CDH4: variants seen among roughly 807,000 people sequenced by gnomAD.
The protein encoded by CDH4 is cadherin 4.
In CDH4, 33 loss-of-function variants were observed where a neutral mutation model predicts 86.0. The ratio of observed to expected loss-of-function variants is 0.38; its 90% CI spans 0.29 to 0.51. CDH4 has a LOEUF of 0.51. CDH4 is among the 20% of genes least tolerant of loss of function. The probability of loss-of-function intolerance (pLI) is 0.86; values close to 1 mark genes in which losing one functional copy is unlikely to be tolerated. For synonymous variants in CDH4, 555 were observed against 549.4 expected (o/e 1.01, Z -0.14); for missense variants, 1,114 against 1,307.4 (o/e 0.85, Z 2.28).
At chr20:61,686,777 G>C (rs1164656430) in intron 2 of CDH4, among the ~76,000 whole-genome samples, 4 of 152,046 alleles carry the variant, frequency 2.6e-5, no homozygotes, top group Non-Finnish European at 5.9e-5. Flanking sequence ...ATTCGCGCGT[G>C]TGTGTGTGCA....
chr20:61,936,819 C>T lies in CDH4; in HGVS notation c.2627C>T (p.Thr876Ile), dbSNP rs2055196790. 1.2e-6 allele frequency: 2 copies of T among 1,610,908 alleles called. No homozygotes were observed. Among genetic ancestry groups the T allele is most frequent in the Non-Finnish European group, 1.7e-6 (2 of 1,179,270 alleles). ...LVFDYEGSGS[T>I]AGSVSSLNSS... ...TTCGACTACGAGGGGAGCGGCTCCA[C>T]CGCAGGCTCCGTCAGCTCCCTGAAC... The change falls in exon 16 of 16, where the codon ACC becomes ATC. Residue 876 changes from threonine (T) to isoleucine (I), a missense_variant. This residue lies in a region of CDH4 where 188 missense variants were observed against 183.8 expected (regional missense o/e 1.02). Transcript: ENST00000614565.
chr20:61,910,311 G>T lies in CDH4; in HGVS notation c.1189-111G>T, dbSNP rs561715311. 2.3e-5 allele frequency: 21 copies of T among 903,816 alleles called. No individual in the cohort carries two copies. In the African/African-American group the frequency reaches 3.3e-4, roughly 14 times the overall value. 56.0% of individuals were successfully genotyped at this position (903,816 alleles called of 1,614,324 possible). On this transcript the variant is annotated intron_variant, in intron 8 of 15. Transcript: ENST00000614565. ...GTGAACACTCGAGCTGGGCTGACAC[G>T]GTGTGTTCTGTTTGTGAACACTCGT...
At chr20:61,257,516 C>T (rs1015121924) in intron 2 of CDH4, among the ~76,000 whole-genome samples, 1 of 152,174 alleles carries the variant, frequency 6.6e-6, no homozygotes, top group Admixed American at 6.5e-5. Context: ...TCCGAGACGC[C>T]GCTCCTGTGT....
At chr20:61,926,936 G>A (rs909001617) in intron 11 of CDH4, among the ~76,000 whole-genome samples, 4 of 152,186 alleles carry the variant, frequency 2.6e-5, no homozygotes, top group East Asian at 1.9e-4. Context: ...AGCGTCCATC[G>A]CACGTGGCAG....
chr20:61,737,570 G>C (rs2088280359), intron 2 of CDH4, among the ~76,000 whole-genome samples: 1 of 152,218 alleles, frequency 6.6e-6, no homozygotes. Flanking sequence ...GCCTCAGCCT[G>C]TGCGGTTCCC....
chr20:61,284,035 G>A (rs569246029), intron 2 of CDH4, among the ~76,000 whole-genome samples: 15 of 151,992 alleles, frequency 9.9e-5, no homozygotes, highest in Non-Finnish European at 1.8e-4. Flanking sequence ...GGCCGGGCGC[G>A]GTGGCTCACA....
intron 5 of CDH4, among the ~76,000 whole-genome samples, chr20:61,851,501 T>C (rs2146111437): frequency 1.3e-5 from 2 of 152,274 alleles, no homozygotes; most frequent in Non-Finnish European, 2.9e-5. Context: ...TGGAGACCCG[T>C]CTGGCATGGG....
At chr20:61,916,886 G>A (rs1299704604) in intron 9 of CDH4, among the ~76,000 whole-genome samples, 2 of 152,240 alleles carry the variant, frequency 1.3e-5, no homozygotes. Flanking sequence ...CCCCCCAGGT[G>A]GTGGTAAGTG....
chr20:61,505,226 A>G (rs2085732019), intron 2 of CDH4, among the ~76,000 whole-genome samples: 1 of 152,194 alleles, frequency 6.6e-6, no homozygotes, highest in African/African-American at 2.4e-5. Flanking sequence ...TTAAATGAAG[A>G]CGAGAGCAGG....
intron 2 of CDH4, among the ~76,000 whole-genome samples, chr20:61,691,714 A>C (rs2087657738): frequency 6.6e-6 from 1 of 152,236 alleles, no homozygotes; most frequent in African/African-American, 2.4e-5. Flanking sequence ...TGCAGACAGC[A>C]GTAACAATGG....
At chr20:61,294,559 C>T (rs2084341740) in intron 2 of CDH4, among the ~76,000 whole-genome samples, 1 of 152,256 alleles carries the variant, frequency 6.6e-6, no homozygotes. Flanking sequence ...CCCACGGTCA[C>T]CATCTTCAGG....
At chr20:61,443,761 C>G (rs2085326090) in intron 2 of CDH4, among the ~76,000 whole-genome samples, 1 of 151,826 alleles carries the variant, frequency 6.6e-6, no homozygotes, top group African/African-American at 2.4e-5. Flanking sequence ...TTGCTTGGCT[C>G]TGTATGTGTG....
At position 61,409,092 on chromosome 20, in the gene CDH4, C is replaced by A. The variant is rs571878487; in HGVS notation, c.169+154155C>A. Among the ~76,000 whole-genome samples the A allele has an allele frequency of 7.9e-5, 12 of 152,356 alleles. 1 individual carries two copies. The South Asian group carries it at 2.5e-3, about 32-fold the overall frequency. On this transcript the variant is annotated intron_variant, in intron 2 of 15. Transcript: ENST00000614565. ...CAAGATGTTTCTGTCTTCAAAGACCCAGCTTGGGCTGGCACAGATGCCAAG... is the reference window on the plus strand; with the variant it reads ...CAAGATGTTTCTGTCTTCAAAGACCAAGCTTGGGCTGGCACAGATGCCAAG...
intron 4 of CDH4, among the ~76,000 whole-genome samples, chr20:61,817,585 G>A (rs969003297): frequency 1.3e-5 from 2 of 152,006 alleles, no homozygotes; most frequent in Non-Finnish European, 2.9e-5. Context: ...TGGGCTGCCT[G>A]TCCTGCGCAC....
At chr20:61,489,356 A>G (rs2085613495) in intron 2 of CDH4, among the ~76,000 whole-genome samples, 1 of 152,202 alleles carries the variant, frequency 6.6e-6, no homozygotes, top group African/African-American at 2.4e-5. Context: ...TTTTGCCATT[A>G]CTTGGGTCAG....
chr20:61,815,418 C>T (rs1980662443), intron 4 of CDH4, among the ~76,000 whole-genome samples: 1 of 152,208 alleles, frequency 6.6e-6, no homozygotes, highest in Non-Finnish European at 1.5e-5. Flanking sequence ...AGCGGGGAAG[C>T]CGCCCGTCGC....
At chr20:61,453,131 A>G (rs934712379) in intron 2 of CDH4, among the ~76,000 whole-genome samples, 2 of 152,212 alleles carry the variant, frequency 1.3e-5, no homozygotes, top group Admixed American at 6.5e-5. Context: ...AAGGAAGGGG[A>G]AAAAAGCCAA....
chr20:61,381,468 A>AT lies in CDH4; in HGVS notation c.169+126539dup, dbSNP rs1289034286. 2.6e-5 allele frequency among the ~76,000 whole-genome samples: 4 copies of AT among 152,116 alleles called. No homozygotes were observed. In the East Asian group the frequency reaches 7.7e-4, roughly 29 times the overall value. ...ACAAAAACATCCACTTAGCAAGGAGATTTTTTTTCAGTTTTTGAAGAGGAT... is the reference window on the plus strand; with the variant it reads ...ACAAAAACATCCACTTAGCAAGGAGATTTTTTTTTCAGTTTTTGAAGAGGAT... On this transcript the variant is annotated intron_variant, in intron 2 of 15. Coordinates refer to ENST00000614565, the MANE Select transcript of CDH4 (RefSeq NM_001794.5).
chr20:61,710,842 G>A (rs2087882677), intron 2 of CDH4, among the ~76,000 whole-genome samples: 1 of 152,346 alleles, frequency 6.6e-6, no homozygotes, highest in Admixed American at 6.5e-5. Context: ...AGACCATGCA[G>A]TCCTGAAAGG....
Sources: allele counts gnomAD v4.1 joint callset (sites outside exome capture counted in the v4.1 genomes callset), GRCh38; gene constraint gnomAD v4.1.1; regional missense constraint gnomAD v4.1.1; transcripts MANE v1.5; gene names NCBI Gene and HGNC (gene_info 2026-07-23, HGNC 2026-07-21).